NDUFB5: variants seen among roughly 807,000 people sequenced by gnomAD.
NDUFB5 encodes NADH dehydrogenase [ubiquinone] 1 beta subcomplex subunit 5, mitochondrial.
In NDUFB5, 19 loss-of-function variants were observed where a neutral mutation model predicts 19.4. That is an observed-to-expected ratio of 0.98 (90% CI 0.68 to 1.43). NDUFB5 has a LOEUF of 1.43. Among genes scored for constraint, NDUFB5 ranks in the 40% most tolerant of loss-of-function variants. The probability of loss-of-function intolerance (pLI) is 0.00; values close to 1 mark genes in which losing one functional copy is unlikely to be tolerated. For synonymous variants in NDUFB5, 80 were observed against 82.6 expected, an observed-to-expected ratio of 0.97 and a Z score of 0.17; for missense variants, 233 against 236.5, an observed-to-expected ratio of 0.99 and a Z score of 0.10.
intron 1 of NDUFB5, among the ~76,000 whole-genome samples, chr3:179,606,618 G>C (rs762654698): frequency 1.5e-4 from 23 of 152,160 alleles, no homozygotes; most frequent in Non-Finnish European, 2.2e-4. Flanking sequence ...GATCACAGGC[G>C]TGAGCCACCC....
intron 1 of NDUFB5, among the ~76,000 whole-genome samples, chr3:179,612,588 T>G (rs1168090419): frequency 1.3e-5 from 2 of 150,268 alleles, no homozygotes; most frequent in Non-Finnish European, 3.0e-5. Context: ...TACGCCATTC[T>G]CCTGCGGCCT....
rs752365229 is a variant in NDUFB5 at position 179,624,043 on chromosome 3, AT to A, written c.*10del. On this transcript the variant is annotated 3_prime_UTR_variant, in exon 6 of 6. Coordinates refer to ENST00000259037, the MANE Select transcript of NDUFB5 (RefSeq NM_002492.4). ...CGAAAGCAACTCCTGACAATTAAGC[AT>A]TTTTTTCTCCAAATACAAAGTATAT... 2 of 1,611,746 alleles carry A rather than the reference AT, an allele frequency of 1.2e-6. No homozygotes were observed. Among genetic ancestry groups the A allele is most frequent in the South Asian group, 2.2e-5 (2 of 90,716 alleles).
rs1362813152 is a variant in NDUFB5 at position 179,616,107 on chromosome 3, G to A, written c.280+58G>A. 2.7e-5 allele frequency: 33 copies of A among 1,227,550 alleles called. No homozygotes were observed. In the East Asian group the frequency reaches 7.6e-4, roughly 28 times the overall value. 76.0% of individuals were successfully genotyped at this position (1,227,550 alleles called of 1,614,324 possible). A position where few individuals can be genotyped will look rare whatever the true frequency, so the allele number is the denominator to read the frequency against. On this transcript the variant is annotated intron_variant, in intron 3 of 5. Coordinates refer to ENST00000259037, the MANE Select transcript of NDUFB5 (RefSeq NM_002492.4). ...AGATTGGAAAAATTTTTAAACATAT[G>A]TACATTAATATAAAAAAGAAATTAT...
chr3:179,624,137 C>A lies in NDUFB5; in HGVS notation c.*97C>A. The A allele has an allele frequency of 8.9e-7, 1 of 1,126,888 alleles. No homozygotes were observed. The highest frequency in any genetic ancestry group is 1.2e-6 in the Non-Finnish European group (1 of 815,682). The allele number at this position is 1,126,888 out of a possible 1,614,324, so 69.8% of individuals were successfully genotyped here. A position where few individuals can be genotyped will look rare whatever the true frequency, so the allele number is the denominator to read the frequency against. ...TTGCTCTCCGTGAAAAACAAAAGAG[C>A]CTCTGACATTACTGTCTCTCAGTGT... is the stretch of plus-strand genomic sequence containing the variant. On this transcript the variant is annotated 3_prime_UTR_variant, in exon 6 of 6. Transcript: ENST00000259037.
At chr3:179,608,892 G>A (rs899648310) in intron 1 of NDUFB5, among the ~76,000 whole-genome samples, 3 of 152,112 alleles carry the variant, frequency 2.0e-5, no homozygotes, top group Admixed American at 6.6e-5. Flanking sequence ...GAATTCTTTC[G>A]AACTCCTGTC....
intron 1 of NDUFB5, chr3:179,607,875 T>A (rs1236939050): frequency 1.5e-6 from 1 of 688,922 alleles, no homozygotes; most frequent in Non-Finnish European, 2.6e-6. Flanking sequence ...CATATTTATG[T>A]CGTAGCATAT....
chr3:179,609,899 T>A (rs1290709550), intron 1 of NDUFB5, among the ~76,000 whole-genome samples: 4 of 152,166 alleles, frequency 2.6e-5, no homozygotes, highest in African/African-American at 4.8e-5. Context: ...GTATATATCT[T>A]CTTTAGAGAA....
intron 1 of NDUFB5, among the ~76,000 whole-genome samples, chr3:179,611,063 T>G (rs1165064444): frequency 1.3e-5 from 2 of 152,134 alleles, no homozygotes; most frequent in African/African-American, 4.8e-5. Flanking sequence ...AAAGGAAAGT[T>G]GGGACCAAAT....
At chr3:179,605,089 T>A in intron 1 of NDUFB5, 150 bp downstream of exon 1, 1 of 1,204,212 alleles carries the variant, frequency 8.3e-7, no homozygotes, top group Non-Finnish European at 1.1e-6. Context: ...ACGAGCTATA[T>A]GAGGGGTTTT....
At chr3:179,616,815 T>G (rs1212640913) in intron 3 of NDUFB5, among the ~76,000 whole-genome samples, 168 bp from the exon 4 acceptor site, 1 of 152,230 alleles carries the variant, frequency 6.6e-6, no homozygotes, top group Non-Finnish European at 1.5e-5. Context: ...AATGAATTGA[T>G]TTTCAACCAG....
chr3:179,620,203 T>G (rs547580570), intron 5 of NDUFB5, among the ~76,000 whole-genome samples: 4 of 152,328 alleles, frequency 2.6e-5, no homozygotes, highest in South Asian at 4.1e-4. Flanking sequence ...TTAGTTTAAT[T>G]AGATCCCATT....
At position 179,604,867 on chromosome 3, in the gene NDUFB5, C is replaced by G. The variant is rs1719033746; in HGVS notation, c.52C>G (p.Leu18Val). ...GGTTTCGGTTACTGCGGTGGCAGCTCTGTCTGGCCGGCCCCTTGGCACTCG... is the reference window on the plus strand; with the variant it reads ...GGTTTCGGTTACTGCGGTGGCAGCTGTGTCTGGCCGGCCCCTTGGCACTCG... ...RRVSVTAVAA[L>V]SGRPLGTRLG... Residue 18 changes from leucine to valine, a missense_variant, in exon 1 of 6, where the codon CTG (leucine) becomes GTG (valine). Coordinates refer to ENST00000259037, the MANE Select transcript of NDUFB5 (RefSeq NM_002492.4). The G allele has an allele frequency of 2.5e-6, 4 of 1,599,434 alleles. No homozygotes were observed. Among genetic ancestry groups the G allele is most frequent in the Non-Finnish European group, 3.4e-6 (4 of 1,176,340 alleles).
At chr3:179,608,356 T>TA (rs1360912784) in intron 1 of NDUFB5, among the ~76,000 whole-genome samples, 1 of 152,084 alleles carries the variant, frequency 6.6e-6, no homozygotes, top group Non-Finnish European at 1.5e-5. Flanking sequence ...CATGCCCGGC[T>TA]AATTTTTTGT....
intron 1 of NDUFB5, among the ~76,000 whole-genome samples, chr3:179,610,327 C>G (rs1719207289): frequency 6.6e-6 from 1 of 152,096 alleles, no homozygotes; most frequent in Admixed American, 6.6e-5. Context: ...CTCCTGGGCT[C>G]AAGAAATTCC....
intron 1 of NDUFB5, among the ~76,000 whole-genome samples, chr3:179,610,060 A>G (rs552040071): frequency 6.6e-6 from 1 of 152,230 alleles, no homozygotes; most frequent in East Asian, 1.9e-4. Context: ...CTACAGGTAC[A>G]TGCCACTCTG....
intron 3 of NDUFB5, 55 bp downstream of exon 3, chr3:179,616,104 T>C (rs900483659): frequency 4.0e-6 from 5 of 1,257,668 alleles, no homozygotes; most frequent in Non-Finnish European, 3.4e-6. Context: ...TTTTTAAACA[T>C]ATGTACATTA....
rs535480244 is a variant in NDUFB5, at chr3:179,613,299, A to C, written c.125-1672A>C. Among the ~76,000 whole-genome samples, 3 of 152,018 alleles carry C rather than the reference A, an allele frequency of 2.0e-5. No homozygotes were observed. In the East Asian group the frequency reaches 5.8e-4, roughly 29 times the overall value. ...CAAGTACCCATTACAAATTTCTCTA[A>C]CTTCCTCTTTCTCTCAGCTTATAAT... On this transcript the variant is annotated intron_variant, in intron 1 of 5. Coordinates refer to ENST00000259037, the MANE Select transcript of NDUFB5 (RefSeq NM_002492.4).
intron 2 of NDUFB5, chr3:179,615,374 G>T (rs1247650096): frequency 7.9e-6 from 2 of 254,042 alleles, no homozygotes; most frequent in Non-Finnish European, 8.0e-6. Context: ...AATTACCAAA[G>T]AACTTGTTGA....
rs1343051413 is a variant in NDUFB5 at position 179,607,960 on chromosome 3, A to G, written c.124+3021A>G. The G allele has an allele frequency of 6.6e-6, 4 of 607,012 alleles. No homozygotes were observed. The Admixed American group carries it at 1.2e-4, about 18-fold the overall frequency. 37.6% of individuals were successfully genotyped at this position (607,012 alleles called of 1,614,324 possible). A position where few individuals can be genotyped will look rare whatever the true frequency, so the allele number is the denominator to read the frequency against. On this transcript the variant is annotated intron_variant, in intron 1 of 5. Coordinates refer to ENST00000259037, the MANE Select transcript of NDUFB5 (RefSeq NM_002492.4). Reference sequence around the variant, plus strand: ...TGTATTTACCCCATTTTGCTTATCCATCATCTGTCAATTGGGTTGCATCTA... The same window carrying G: ...TGTATTTACCCCATTTTGCTTATCCGTCATCTGTCAATTGGGTTGCATCTA...
Sources: allele counts gnomAD v4.1 joint callset (sites outside exome capture counted in the v4.1 genomes callset), GRCh38; gene constraint gnomAD v4.1.1; transcripts MANE v1.5; gene names NCBI Gene and HGNC (gene_info 2026-07-23, HGNC 2026-07-21).